The following AKNA variants were observed in gnomAD, a reference collection of about 807,000 sequenced individuals.
AKNA encodes the protein AT-hook transcription factor, also known as microtubule organization protein AKNA.
A neutral mutation model predicts 138.8 loss-of-function variants in AKNA; 67 were observed. The observed-to-expected ratio is 0.48, with a 90% CI of 0.40 to 0.59. AKNA has a LOEUF of 0.59. Ranked by LOEUF, AKNA falls within the 20% of genes least tolerant of loss-of-function variation. The probability of loss-of-function intolerance (pLI) is 0.00; values close to 1 mark genes in which losing one functional copy is unlikely to be tolerated. For synonymous variants in AKNA, 737 were observed against 754.4 expected (o/e 0.98, Z 0.38); for missense variants, 1,813 against 1,880.4 (o/e 0.96, Z 0.66).
At chr9:114,361,588 G>T in intron 9 of AKNA, 116 bp downstream of exon 9, 4 of 1,135,266 alleles carry the variant, frequency 3.5e-6, no homozygotes, top group Non-Finnish European at 3.9e-6. Context: ...TACATATTTG[G>T]CACACACTGG....
intron 1 of AKNA, among the ~76,000 whole-genome samples, chr9:114,384,447 C>G (rs973622651): frequency 1.3e-5 from 2 of 152,056 alleles, no homozygotes; most frequent in South Asian, 4.1e-4. Flanking sequence ...ACAGGTGACC[C>G]TTAATGACAG....
intron 4 of AKNA, among the ~76,000 whole-genome samples, chr9:114,371,022 G>C (rs868126133): frequency 6.6e-6 from 1 of 152,186 alleles, no homozygotes; most frequent in Non-Finnish European, 1.5e-5. Flanking sequence ...AGGGGCTGGG[G>C]GGGAGGTGGC....
At chr9:114,366,156 G>A (rs1564641097) in intron 6 of AKNA, among the ~76,000 whole-genome samples, 1 of 151,964 alleles carries the variant, frequency 6.6e-6, no homozygotes, top group Non-Finnish European at 1.5e-5. Flanking sequence ...GCGCGTGCCT[G>A]TAATCTCAGC....
intron 1 of AKNA, among the ~76,000 whole-genome samples, chr9:114,387,521 C>T (rs1275681968): frequency 1.3e-5 from 2 of 152,218 alleles, no homozygotes; most frequent in Non-Finnish European, 2.9e-5. Context: ...ATGCCTGCAT[C>T]GTCTCTGAGA....
intron 4 of AKNA, among the ~76,000 whole-genome samples, chr9:114,372,641 G>A (rs976219262): frequency 2.6e-5 from 4 of 152,150 alleles, no homozygotes; most frequent in Non-Finnish European, 5.9e-5. Context: ...CCCAACGGGA[G>A]CCCCAGTTTC....
At chr9:114,387,485 C>T (rs1465954724) in intron 1 of AKNA, among the ~76,000 whole-genome samples, 5 of 152,202 alleles carry the variant, frequency 3.3e-5, no homozygotes, top group African/African-American at 4.8e-5. Context: ...CCCCCGGCGC[C>T]GTCGCTGCCT....
At chr9:114,371,145 G>A (rs1832744315) in intron 4 of AKNA, among the ~76,000 whole-genome samples, 1 of 152,156 alleles carries the variant, frequency 6.6e-6, no homozygotes, top group African/African-American at 2.4e-5. Context: ...CCACAGCTGG[G>A]CTCCCTGGTC....
At position 114,371,738 on chromosome 9, in the gene AKNA, A is replaced by C. The variant is rs567792673; in HGVS notation, c.1416+2355T>G. On this transcript the variant is annotated intron_variant, in intron 4 of 21. Transcript: ENST00000374088. ...CCCATCCATTGCTGTCCACCTACCC[A>C]CCATGCCTAGCCTGGGTGTCCAGCG... Among the ~76,000 whole-genome samples, 51 of 151,946 alleles carry C rather than the reference A, an allele frequency of 3.4e-4. No individual in the cohort carries two copies. In the South Asian group the frequency reaches 0.011, roughly 32 times the overall value.
At chr9:114,393,376 C>T (rs563182548) in intron 1 of AKNA, among the ~76,000 whole-genome samples, 22 of 147,360 alleles carry the variant, frequency 1.5e-4, no homozygotes, top group Admixed American at 1.5e-3. Flanking sequence ...CCACCACGCC[C>T]AGCTAATTTT....
Position 114,337,128 on chromosome 9 carries a change from T to C in AKNA, c.4246A>G (p.Thr1416Ala). Residue 1416 changes from threonine (T) to alanine (A), a missense_variant, in exon 22 of 22, where the codon ACC becomes GCC. Transcript: ENST00000374088. Reference sequence around the variant, plus strand: ...GACAGCGAGCTTCTCATCTGCCTGGTGGTAGAGCGGACGCTCTCGGCAGCC... The same window carrying C: ...GACAGCGAGCTTCTCATCTGCCTGGCGGTAGAGCGGACGCTCTCGGCAGCC... ...VQAAESVRST[T>A]RQMRSSLSAD... 6.2e-7 allele frequency: 1 copy of C among 1,607,290 alleles called. No individual in the cohort carries two copies. The highest frequency in any genetic ancestry group is 8.5e-7 in the Non-Finnish European group (1 of 1,177,030).
upstream of AKNA, among the ~76,000 whole-genome samples, chr9:114,390,926 A>C (rs12351392): frequency 0.2 from 30,139 of 152,206 alleles, 3,305 homozygotes; most frequent in Middle Eastern, 0.3. Context: ...TATTTGATTA[A>C]CATCTGTCTC....
intron 1 of AKNA, among the ~76,000 whole-genome samples, chr9:114,382,077 C>T (rs1317702525): frequency 1.3e-5 from 2 of 152,158 alleles, no homozygotes; most frequent in Non-Finnish European, 2.9e-5. Context: ...GGGCATGGGG[C>T]ACAGGCCCTG....
At chr9:114,373,355 G>T (rs1460153991) in intron 4 of AKNA, among the ~76,000 whole-genome samples, 1 of 152,186 alleles carries the variant, frequency 6.6e-6, no homozygotes, top group East Asian at 1.9e-4. Flanking sequence ...TCAGGGGAGG[G>T]GAGAGGCTGT....
intron 1 of AKNA, among the ~76,000 whole-genome samples, chr9:114,381,788 G>A (rs1315426509): frequency 6.6e-6 from 1 of 150,560 alleles, no homozygotes; most frequent in East Asian, 2.0e-4. Context: ...AGCCTCCTGA[G>A]TAGCTGGGAC....
In AKNA at chr9:114,381,510, A is replaced by G. The variant is rs916429644; in HGVS notation, c.-113-64T>C. On this transcript the variant is annotated intron_variant, in intron 1 of 21. Coordinates refer to ENST00000374088, the MANE Select transcript of AKNA (RefSeq NM_001317950.2). ...CTGATCCCCTCTTTTATTCGGAACA[A>G]GAAGTTACCAGCAGGAACTCTGGAA... 7.8e-6 allele frequency: 10 copies of G among 1,288,350 alleles called. No individual in the cohort carries two copies. In the African/African-American group the frequency reaches 1.4e-4, roughly 18 times the overall value. The allele number at this position is 1,288,350 out of a possible 1,614,324, so 79.8% of individuals were successfully genotyped here.
At position 114,343,734 on chromosome 9, in the gene AKNA, C is replaced by A. The variant is rs777032921; in HGVS notation, c.3731G>T (p.Cys1244Phe). The change falls in exon 19 of 22, where the codon TGC (cysteine) becomes TTC (phenylalanine). Residue 1244 changes from cysteine to phenylalanine, a missense_variant. Physicochemically the swap from Cys to Phe is radical, Grantham distance 205. Transcript: ENST00000374088. ...CGCATCCTGGGTCCTAATGGGCCGG[C>A]AGTGGGGACAGGAGACTGTGCCATT... ...KGNGTVSCPH[C>F]RPIRTQDAGG... 3 of 1,614,152 alleles carry A rather than the reference C, an allele frequency of 1.9e-6. No individual in the cohort carries two copies. The highest frequency in any genetic ancestry group is 3.3e-5 in the Admixed American group (2 of 60,024).
chr9:114,380,021 T>C (rs12001020), intron 2 of AKNA, among the ~76,000 whole-genome samples: 3 of 152,004 alleles, frequency 2.0e-5, no homozygotes, highest in South Asian at 4.2e-4. Context: ...TGTGGTGGCA[T>C]GCACCTGTAG....
At chr9:114,369,918 T>C (rs894887328) in intron 4 of AKNA, among the ~76,000 whole-genome samples, 2 of 152,144 alleles carry the variant, frequency 1.3e-5, no homozygotes, top group African/African-American at 4.8e-5. Flanking sequence ...ACCATCACCA[T>C]TATCACCATC....
intron 14 of AKNA, among the ~76,000 whole-genome samples, chr9:114,351,640 CCAT>C: frequency 8.4e-6 from 1 of 118,980 alleles, no homozygotes; most frequent in Non-Finnish European, 1.7e-5. Flanking sequence ...TAGAAAGACC[CCAT>C]CTTTGCAAAA....
Sources: gnomAD v4.1 joint callset for allele counts (sites outside exome capture counted in the v4.1 genomes callset) on GRCh38, gnomAD v4.1.1 for gene constraint, MANE v1.5 for transcripts, NCBI Gene and HGNC (gene_info 2026-07-23, HGNC 2026-07-21) for gene names.